TMEM132D: variants seen among roughly 807,000 people sequenced by gnomAD.
The protein encoded by TMEM132D is mature OL transmembrane protein.
A neutral mutation model predicts 62.3 loss-of-function variants in TMEM132D; 21 were observed. That is an observed-to-expected ratio of 0.34 (90% CI 0.24 to 0.49). The LOEUF (loss-of-function observed/expected upper bound fraction) is 0.49, where lower values mean the gene tolerates loss of function less well. Ranked by LOEUF, TMEM132D falls within the 20% of genes least tolerant of loss-of-function variation. The probability of loss-of-function intolerance (pLI) is 0.99; values close to 1 mark genes in which losing one functional copy is unlikely to be tolerated. For missense variants in TMEM132D, 1,346 were observed against 1,402.8 expected (o/e 0.96, Z 0.65); for synonymous variants, 621 against 575.6 (o/e 1.08, Z -1.13).
intron 4 of TMEM132D, among the ~76,000 whole-genome samples, chr12:129,303,611 C>T (rs1257404566): frequency 6.6e-6 from 1 of 151,520 alleles, no homozygotes; most frequent in Non-Finnish European, 1.5e-5. Flanking sequence ...CATCATCACT[C>T]GCCGGGACTC....
Position 129,178,658 on chromosome 12 carries a change from A to G in TMEM132D, c.1443+30862T>C, listed in dbSNP as rs117866437. ...GGCAAACACTTCAAGAGGGTAAAAG[A>G]TGGGGGCAGTAGAAATTACTGCTGA... On this transcript the variant is annotated intron_variant, in intron 5 of 8. Coordinates refer to ENST00000422113, the MANE Select transcript of TMEM132D (RefSeq NM_133448.3). Among the ~76,000 whole-genome samples, 502 of 152,322 alleles carry G rather than the reference A, an allele frequency of 3.3e-3. 17 individuals carry two copies. In the East Asian group the frequency reaches 0.084, roughly 26 times the overall value.
chr12:129,683,211 CAT>C (rs1310641139), intron 2 of TMEM132D: 1 of 151,946 alleles, frequency 6.6e-6, no homozygotes, highest in Non-Finnish European at 1.5e-5. Flanking sequence ...TTTTCCAACA[CAT>C]GTGCTCTGGG....
chr12:129,730,815 T>C (rs1869209960), intron 1 of TMEM132D, among the ~76,000 whole-genome samples: 1 of 151,906 alleles, frequency 6.6e-6, no homozygotes, highest in African/African-American at 2.4e-5. Context: ...GCTGGATGCT[T>C]CCTGCCCTCA....
At position 129,317,024 on chromosome 12, in the gene TMEM132D, G is replaced by A. The variant is rs147045461; in HGVS notation, c.1299+20610C>T. On this transcript the variant is annotated intron_variant, in intron 4 of 8. Coordinates refer to ENST00000422113, the MANE Select transcript of TMEM132D (RefSeq NM_133448.3). ...ACTCCTTTACTTTAAGTTTATGTGA[G>A]TCCTTATGTGTTAGGTGAGTCTCCT... 4.7e-3 allele frequency among the ~76,000 whole-genome samples: 717 copies of A among 152,216 alleles called. 6 individuals are homozygous for A. The highest frequency in any genetic ancestry group is 0.016 in the African/African-American group (674 of 41,550).
chr12:129,829,649 G>C (rs73160252), intron 1 of TMEM132D, among the ~76,000 whole-genome samples: 10,854 of 152,162 alleles, frequency 0.071, 426 homozygotes, highest in East Asian at 0.11. Context: ...CTTCTGCCAG[G>C]AAATGCCAGG....
chr12:129,174,925 G>GT (rs1404183344), intron 5 of TMEM132D, among the ~76,000 whole-genome samples: 3 of 152,096 alleles, frequency 2.0e-5, no homozygotes, highest in Non-Finnish European at 1.5e-5. Flanking sequence ...TGAGGGGGTT[G>GT]TTTTTTTCTT....
intron 1 of TMEM132D, among the ~76,000 whole-genome samples, chr12:129,742,517 G>C (rs1443014190): frequency 6.6e-6 from 1 of 152,178 alleles, no homozygotes; most frequent in Non-Finnish European, 1.5e-5. Flanking sequence ...CCACATTGGA[G>C]GTCACATTTC....
At chr12:129,559,549 G>T (rs571813447) in intron 2 of TMEM132D, among the ~76,000 whole-genome samples, 7 of 152,280 alleles carry the variant, frequency 4.6e-5, no homozygotes, top group African/African-American at 1.7e-4. Flanking sequence ...AATATTTTAC[G>T]TGTGTGAGAG....
At chr12:129,473,085 G>A (rs1566081138) in intron 3 of TMEM132D, among the ~76,000 whole-genome samples, 1 of 151,910 alleles carries the variant, frequency 6.6e-6, no homozygotes, top group Non-Finnish European at 1.5e-5. Flanking sequence ...GGCTGGTCTC[G>A]AACTCCTGAC....
intron 4 of TMEM132D, among the ~76,000 whole-genome samples, chr12:129,269,618 A>G (rs1880798069): frequency 6.6e-6 from 1 of 152,186 alleles, no homozygotes; most frequent in African/African-American, 2.4e-5. Flanking sequence ...ACTGGGAGAC[A>G]GAGTATCAGG....
At chr12:129,188,737 A>C (rs1878288212) in intron 5 of TMEM132D, among the ~76,000 whole-genome samples, 1 of 136,216 alleles carries the variant, frequency 7.3e-6, no homozygotes, top group Non-Finnish European at 1.6e-5. Context: ...GAGAGAGGGA[A>C]GGAGGGAGAG....
At chr12:129,174,943 T>G (rs1289264978) in intron 5 of TMEM132D, among the ~76,000 whole-genome samples, 1 of 152,234 alleles carries the variant, frequency 6.6e-6, no homozygotes, top group Non-Finnish European at 1.5e-5. Flanking sequence ...CTTCTAAATT[T>G]GTTTAAGTTC....
chr12:129,319,533 T>C (rs1868611825), intron 4 of TMEM132D, among the ~76,000 whole-genome samples: 1 of 152,170 alleles, frequency 6.6e-6, no homozygotes, highest in Admixed American at 6.5e-5. Context: ...CTGTGAGTAA[T>C]GTGATCACAT....
At chr12:129,836,917 G>A (rs968010350) in intron 1 of TMEM132D, among the ~76,000 whole-genome samples, 2 of 152,084 alleles carry the variant, frequency 1.3e-5, no homozygotes, top group South Asian at 2.1e-4. Context: ...ACTAATTAAG[G>A]CAATCATTAA....
At chr12:129,898,792 C>T (rs1474857250) in intron 1 of TMEM132D, among the ~76,000 whole-genome samples, 3 of 152,208 alleles carry the variant, frequency 2.0e-5, no homozygotes, top group South Asian at 4.1e-4. Flanking sequence ...TTCCTCACTA[C>T]GGTACTCCCT....
chr12:129,307,549 T>C (rs1194979947), intron 4 of TMEM132D, among the ~76,000 whole-genome samples: 2 of 152,134 alleles, frequency 1.3e-5, no homozygotes, highest in Non-Finnish European at 2.9e-5. Flanking sequence ...TAAAACCATC[T>C]CATCCCTCTC....
Position 129,286,695 on chromosome 12 carries a change from A to G in TMEM132D, c.1299+50939T>C, listed in dbSNP as rs147464215. On this transcript the variant is annotated intron_variant, in intron 4 of 8. Transcript: ENST00000422113. ...CATCATTTCTGTTCAGAATCCATTA[A>G]GAGCAAATGTGTGATCTTAGCATCT... 7.9e-3 allele frequency among the ~76,000 whole-genome samples: 1,201 copies of G among 152,326 alleles called. 17 individuals carry two copies. Among genetic ancestry groups the G allele is most frequent in the African/African-American group, 0.027 (1,125 of 41,572 alleles).
intron 3 of TMEM132D, among the ~76,000 whole-genome samples, chr12:129,524,276 C>A (rs1380735588): frequency 1.3e-5 from 2 of 151,662 alleles, no homozygotes; most frequent in Non-Finnish European, 2.9e-5. Context: ...AAGAAAGAAA[C>A]AGCCATGTCC....
chr12:129,900,769 G>T (rs956391520), intron 1 of TMEM132D, among the ~76,000 whole-genome samples: 1 of 152,218 alleles, frequency 6.6e-6, no homozygotes, highest in South Asian at 2.1e-4. Context: ...ACATCAAGCT[G>T]CCAGCAAAGC....
Sources: gnomAD v4.1 joint callset for allele counts (sites outside exome capture counted in the v4.1 genomes callset) on GRCh38, gnomAD v4.1.1 for gene constraint, MANE v1.5 for transcripts, NCBI Gene and HGNC (gene_info 2026-07-23, HGNC 2026-07-21) for gene names.